The following GMPPB variants were observed in gnomAD, a reference collection of about 807,000 sequenced individuals.
GMPPB encodes GDP-mannose pyrophosphorylase B, also known as mannose-1-phosphate guanylyltransferase catalytic subunit beta.
In GMPPB, 38 loss-of-function variants were observed where a neutral mutation model predicts 40.3. That is an observed-to-expected ratio of 0.94 (90% CI 0.73 to 1.24). The LOEUF (loss-of-function observed/expected upper bound fraction) is 1.24. GMPPB is among the 50% of genes most tolerant of loss of function. GMPPB has a pLI of 0.00. For missense variants in GMPPB, 436 were observed against 487.1 expected, an observed-to-expected ratio of 0.90 and a Z score of 0.99; for synonymous variants, 193 against 191.8, an observed-to-expected ratio of 1.01 and a Z score of -0.05.
rs963056187 is a variant in GMPPB, at chr3:49,720,433, T to G, written c.*1319A>C. On this transcript the variant is annotated 3_prime_UTR_variant, in exon 9 of 9. Coordinates refer to ENST00000308388, the MANE Select transcript of GMPPB (RefSeq NM_021971.4). ...GGTGATCATGTACGAGCCATGGCAC[T>G]CCTCATTGGCAATCCCAAGAGAGAC... 18 of 1,418,044 alleles carry G rather than the reference T, an allele frequency of 1.3e-5. No individual in the cohort carries two copies. The African/African-American group carries it at 1.6e-4, about 12-fold the overall frequency. The allele number at this position is 1,418,044 out of a possible 1,614,324, so 87.8% of individuals were successfully genotyped here.
At position 49,720,435 on chromosome 3, in the gene GMPPB, C is replaced by T; in HGVS notation, c.*1317G>A. 1.4e-6 allele frequency: 2 copies of T among 1,442,194 alleles called. No individual in the cohort carries two copies. The highest frequency in any genetic ancestry group is 4.7e-5 in the Admixed American group (2 of 42,618). 89.3% of individuals were successfully genotyped at this position (1,442,194 alleles called of 1,614,324 possible). A position where few individuals can be genotyped will look rare whatever the true frequency, so the allele number is the denominator to read the frequency against. Reference sequence around the variant, plus strand: ...TGATCATGTACGAGCCATGGCACTCCTCATTGGCAATCCCAAGAGAGACTT... The same window carrying T: ...TGATCATGTACGAGCCATGGCACTCTTCATTGGCAATCCCAAGAGAGACTT... On this transcript the variant is annotated 3_prime_UTR_variant, in exon 9 of 9. Transcript: ENST00000308388.
rs1297069725 is a variant in GMPPB, at chr3:49,723,721, C to T, written c.6G>A (p.Lys2=). Residue 2 remains lysine (K), a synonymous_variant, in exon 1 of 9, where the codon AAG becomes AAA. Coordinates refer to ENST00000308388, the MANE Select transcript of GMPPB (RefSeq NM_021971.4). ...CATAGCCCCCCACTAAGATCAGTGC[C>T]TTCATCGCGCCTGCGGACGTTGAGG... M[K]ALILVGGYGT... The T allele has an allele frequency of 2.5e-6, 4 of 1,587,726 alleles. No homozygotes were observed. The highest frequency in any genetic ancestry group is 3.4e-6 in the Non-Finnish European group (4 of 1,170,734).
At position 49,720,494 on chromosome 3, in the gene GMPPB, C is replaced by T. The variant is rs376893628; in HGVS notation, c.*1258G>A. 1.9e-6 allele frequency: 3 copies of T among 1,543,122 alleles called. No homozygotes were observed. Among genetic ancestry groups the T allele is most frequent in the Non-Finnish European group, 2.6e-6 (3 of 1,143,296 alleles). On this transcript the variant is annotated 3_prime_UTR_variant, in exon 9 of 9. Transcript: ENST00000308388. ...GCCCCAAGCCTTCTGACTGCCCTTG[C>T]ACCCTCCCCTACCTAGGAGAGAGCA...
rs1344300559 is a variant in GMPPB, at chr3:49,723,134, C to A, written c.260-20G>T. 2 of 1,613,648 alleles carry A rather than the reference C, an allele frequency of 1.2e-6. No homozygotes were observed. The highest frequency in any genetic ancestry group is 1.3e-5 in the African/African-American group (1 of 75,030). On this transcript the variant is annotated intron_variant, in intron 3 of 8. Transcript: ENST00000308388. The stretch of plus-strand genomic sequence containing the variant: ...GCCCAGCTGGGGGAAGGGGACAGGT[C>A]ACCACCTTGCTGGAGGTCTGAGTCC...
Position 49,723,609 on chromosome 3 carries a change from C to G in GMPPB, c.118G>C (p.Ala40Pro), listed in dbSNP as rs1445731992. 13 of 1,589,328 alleles carry G rather than the reference C, an allele frequency of 8.2e-6. No individual in the cohort carries two copies. The highest frequency in any genetic ancestry group is 1.1e-5 in the Non-Finnish European group (13 of 1,166,474). The change falls in exon 1 of 9, where the codon GCG (alanine) becomes CCG (proline). Residue 40 changes from alanine to proline, a missense_variant. Transcript: ENST00000308388. ...NKPILLHQVEALAAAGVDHVI... is the reference protein window; with the variant it reads ...NKPILLHQVEPLAAAGVDHVI... ...ACCCAGGGTCTTACCGCGGCTAGCG[C>G]CTCCACTTGGTGCAGCAAGATGGGC... is the stretch of plus-strand genomic sequence containing the variant.
intron 5 of GMPPB, 32 bp from the exon 6 acceptor site, chr3:49,722,542 A>G (rs774007262): frequency 5.6e-6 from 9 of 1,613,462 alleles, no homozygotes; most frequent in Non-Finnish European, 7.6e-6. Flanking sequence ...GAGCAGGGTC[A>G]TGGCGGTGAT....
chr3:49,723,380 T>TCTGTGCCTCACCCTCTGCTC lies in GMPPB; in HGVS notation c.202_210+11dup, dbSNP rs745637360. ...GGGGACCGAGAATAAGGGCCAAGAGTCTGTGCCTCACCCTCTGCTCCTGTG... is the reference window on the plus strand; with the variant it reads ...GGGGACCGAGAATAAGGGCCAAGAGTCTGTGCCTCACCCTCTGCTCCTGTGCCTCACCCTCTGCTCCTGTG... On this transcript the variant is annotated intron_variant, in intron 2 of 8. Coordinates refer to ENST00000308388, the MANE Select transcript of GMPPB (RefSeq NM_021971.4). 6.2e-7 allele frequency: 1 copy of TCTGTGCCTCACCCTCTGCTC among 1,613,250 alleles called. No homozygotes were observed. The highest frequency in any genetic ancestry group is 8.5e-7 in the Non-Finnish European group (1 of 1,179,652).
intron 2 of GMPPB, 35 bp from the exon 3 acceptor site, chr3:49,723,337 C>T (rs368799173): frequency 8.7e-6 from 14 of 1,614,166 alleles, no homozygotes; most frequent in Non-Finnish European, 1.2e-5. Flanking sequence ...CAGGTTCTAC[C>T]AGGATGGGAA....
chr3:49,722,931 G>C, intron 4 of GMPPB, 41 bp downstream of exon 4: 1 of 1,603,954 alleles, frequency 6.2e-7, no homozygotes, highest in Non-Finnish European at 8.5e-7. Context: ...GCTGGGCATG[G>C]AGGGTGAAAG....
chr3:49,722,482 ACCT>A lies in GMPPB; in HGVS notation c.587_589del (p.Glu196del). ...CCCCTCCTTGGCCATAATGGGGAAG[ACCT>A]CCTTCTCAATGGACGTAGGCTGCAG... On this transcript the variant is annotated inframe_deletion, in exon 6 of 9. Transcript: ENST00000308388. 3.1e-6 allele frequency: 5 copies of A among 1,614,038 alleles called. No individual in the cohort carries two copies. The highest frequency in any genetic ancestry group is 4.2e-6 in the Non-Finnish European group (5 of 1,179,994).
Position 49,723,024 on chromosome 3 carries a change from A to G in GMPPB, c.350T>C (p.Phe117Ser). 6.2e-7 allele frequency: 1 copy of G among 1,613,632 alleles called. No homozygotes were observed. The highest frequency in any genetic ancestry group is 2.2e-5 in the East Asian group (1 of 44,878). ...LNSDVICDFP[F>S]QAMVQFHRHH... is the part of the protein sequence containing the mutation. ...CCGGTGGAACTGCACCATGGCTTGGAAGGGGAAATCGCAGATCACGTCACT... is the reference window on the plus strand; with the variant it reads ...CCGGTGGAACTGCACCATGGCTTGGGAGGGGAAATCGCAGATCACGTCACT... Residue 117 changes from phenylalanine to serine, a missense_variant, in exon 4 of 9, where the codon TTC (phenylalanine) becomes TCC (serine). Phe to Ser is a radical substitution (Grantham distance 155). Transcript: ENST00000308388.
At position 49,720,209 on chromosome 3, in the gene GMPPB, G is replaced by T; in HGVS notation, c.*1543C>A. On this transcript the variant is annotated 3_prime_UTR_variant, in exon 9 of 9. Transcript: ENST00000308388. Reference sequence around the variant, plus strand: ...TGGGCGTCTGCAATTCCAGCTACTCGGGAGGCTAAAGCAGGAGAATCACTT... The same window carrying T: ...TGGGCGTCTGCAATTCCAGCTACTCTGGAGGCTAAAGCAGGAGAATCACTT... 1 of 208,772 alleles carries T rather than the reference G, an allele frequency of 4.8e-6. No homozygotes were observed. Among genetic ancestry groups the T allele is most frequent in the Admixed American group, 5.7e-5 (1 of 17,634 alleles). 12.9% of individuals were successfully genotyped at this position (208,772 alleles called of 1,614,324 possible).
rs2080446594 is a variant in GMPPB at position 49,723,034 on chromosome 3, C to A, written c.340G>T (p.Asp114Tyr). ...TGCACCATGGCTTGGAAGGGGAAAT[C>A]GCAGATCACGTCACTGTTGAGGACG... ...FFVLNSDVIC[D>Y]FPFQAMVQFH... Residue 114 changes from aspartate (D) to tyrosine (Y), a missense_variant, in exon 4 of 9, where the codon GAT becomes TAT. Coordinates refer to ENST00000308388, the MANE Select transcript of GMPPB (RefSeq NM_021971.4). 4 of 1,613,626 alleles carry A rather than the reference C, an allele frequency of 2.5e-6. No homozygotes were observed. Among genetic ancestry groups the A allele is most frequent in the Non-Finnish European group, 3.4e-6 (4 of 1,179,784 alleles).
chr3:49,721,105 A>T lies in GMPPB; in HGVS notation c.*647T>A. The T allele has an allele frequency of 6.2e-7, 1 of 1,613,970 alleles. No homozygotes were observed. On this transcript the variant is annotated 3_prime_UTR_variant, in exon 9 of 9. Coordinates refer to ENST00000308388, the MANE Select transcript of GMPPB (RefSeq NM_021971.4). ...CAGCCCTGTGGCCACAAGTCCTGCA[A>T]GTAAGTGGGCCCCACAGCTTGGTGG...
rs201000786 is a variant in GMPPB at position 49,722,192 on chromosome 3, G to A, written c.768+39C>T. 5.6e-6 allele frequency: 9 copies of A among 1,608,464 alleles called. No individual in the cohort carries two copies. In the Admixed American group the frequency reaches 6.7e-5, roughly 12 times the overall value. Reference sequence around the variant, plus strand: ...TACAAGTGGGCCACTTGTCTCCCAAGACTGAGGGGGTTAATGATGGGCTGG... The same window carrying A: ...TACAAGTGGGCCACTTGTCTCCCAAAACTGAGGGGGTTAATGATGGGCTGG... On this transcript the variant is annotated intron_variant, in intron 7 of 8. Coordinates refer to ENST00000308388, the MANE Select transcript of GMPPB (RefSeq NM_021971.4).
At chr3:49,722,406 C>T (rs371850986) in intron 6 of GMPPB, 26 bp downstream of exon 6, 3 of 1,613,920 alleles carry the variant, frequency 1.9e-6, no homozygotes, top group Non-Finnish European at 8.5e-7. Context: ...ACAGACCACC[C>T]CCACCCTGTG....
rs202013297 is a variant in GMPPB, at chr3:49,722,699, G to A, written c.458C>T (p.Thr153Ile). The A allele has an allele frequency of 5.6e-6, 9 of 1,613,826 alleles. No individual in the cohort carries two copies. Among genetic ancestry groups the A allele is most frequent in the Admixed American group, 1.7e-5 (1 of 60,020 alleles). ...CTCCACGAACCGGTGAATGCGGCCT[G>A]TGTCAGCCTCACACACCACCACACC... ...KYGVVVCEAD[T>I]GRIHRFVEKP... The change falls in exon 5 of 9, where the codon ACA becomes ATA. Residue 153 changes from threonine (T) to isoleucine (I), a missense_variant. Transcript: ENST00000308388.
At chr3:49,723,216 T>C (rs747548054) in intron 3 of GMPPB, 38 bp downstream of exon 3, 2 of 1,613,144 alleles carry the variant, frequency 1.2e-6, no homozygotes, top group Non-Finnish European at 1.7e-6. Context: ...TTCCTGGCCT[T>C]AAACCCTCCC....
chr3:49,720,803 C>G lies in GMPPB; in HGVS notation c.*949G>C. ...GACACTACCTACCACTCCCCAGATG[C>G]GGATTATATCAGTGCCGATGAGCTG... is the stretch of plus-strand genomic sequence containing the variant. On this transcript the variant is annotated 3_prime_UTR_variant, in exon 9 of 9. Coordinates refer to ENST00000308388, the MANE Select transcript of GMPPB (RefSeq NM_021971.4). 1 of 1,614,148 alleles carries G rather than the reference C, an allele frequency of 6.2e-7. No homozygotes were observed. Among genetic ancestry groups the G allele is most frequent in the South Asian group, 1.1e-5 (1 of 91,072 alleles).
Sources: gnomAD v4.1 joint callset for allele counts on GRCh38, gnomAD v4.1.1 for gene constraint, MANE v1.5 for transcripts, NCBI Gene and HGNC (gene_info 2026-07-23, HGNC 2026-07-21) for gene names.